Variants in TRPS1 observed in about 807,000 individuals in gnomAD.
TRPS1 encodes transcriptional repressor GATA binding 1, also known as zinc finger transcription factor Trps1.
Under a neutral mutation model 101.2 loss-of-function variants are expected in TRPS1, and 6 were observed. That is an observed-to-expected ratio of 0.06 (90% CI 0.03 to 0.12). The LOEUF (loss-of-function observed/expected upper bound fraction) is 0.12. TRPS1 is among the 10% of genes least tolerant of loss of function. TRPS1 has a pLI of 1.00. For synonymous variants in TRPS1, 578 were observed against 589.8 expected (o/e 0.98, Z 0.29); for missense variants, 1,363 against 1,567.0 (o/e 0.87, Z 2.20).
chr8:115,445,612 G>A (rs116398067), intron 5 of TRPS1, among the ~76,000 whole-genome samples: 2,662 of 152,160 alleles, frequency 0.017, 82 homozygotes, highest in African/African-American at 0.061. Context: ...ACTCTTAATT[G>A]CCTAAAAAAA....
intron 5 of TRPS1, among the ~76,000 whole-genome samples, chr8:115,529,471 C>T (rs1314828440): frequency 6.6e-6 from 1 of 151,992 alleles, no homozygotes; most frequent in Non-Finnish European, 1.5e-5. Flanking sequence ...CCGGAAATCA[C>T]TGAAAAAGAT....
rs1449504225 is a variant in TRPS1, at chr8:115,631,757, C to T, written c.-121-7999G>A. ...TGAATCTCTTGATATTAAATAGGCTCAGGAAACTAACAGCTAGAAAAATGC... is the reference window on the plus strand; with the variant it reads ...TGAATCTCTTGATATTAAATAGGCTTAGGAAACTAACAGCTAGAAAAATGC... On this transcript the variant is annotated intron_variant, in intron 1 of 6. Coordinates refer to ENST00000395715, the MANE Select transcript of TRPS1 (RefSeq NM_014112.5). Among the ~76,000 whole-genome samples, 5 of 152,122 alleles carry T rather than the reference C, an allele frequency of 3.3e-5. No homozygotes were observed. In the East Asian group the frequency reaches 5.8e-4, roughly 18 times the overall value.
intron 1 of TRPS1, among the ~76,000 whole-genome samples, chr8:115,631,666 G>C (rs1014520242): frequency 6.7e-6 from 1 of 149,672 alleles, no homozygotes; most frequent in African/African-American, 2.5e-5. Context: ...TGGATGGATG[G>C]ATGGATGGAT....
chr8:115,524,952 T>C (rs983816725), intron 5 of TRPS1, among the ~76,000 whole-genome samples: 1 of 152,202 alleles, frequency 6.6e-6, no homozygotes, highest in Non-Finnish European at 1.5e-5. Flanking sequence ...GATTTTAGTA[T>C]GGCTGCTAAT....
chr8:115,506,101 G>A (rs1167983859), intron 5 of TRPS1, among the ~76,000 whole-genome samples: 4 of 151,866 alleles, frequency 2.6e-5, no homozygotes, highest in Admixed American at 1.3e-4. Flanking sequence ...TCTTGTTAAT[G>A]AACTACAAAG....
rs1320079202 is a variant in TRPS1, at chr8:115,604,695, C to T, written c.1274G>A (p.Gly425Glu). 6.2e-7 allele frequency: 1 copy of T among 1,613,754 alleles called. No homozygotes were observed. Among genetic ancestry groups the T allele is most frequent in the Non-Finnish European group, 8.5e-7 (1 of 1,179,934 alleles). The stretch of plus-strand genomic sequence containing the variant: ...GAGGGGCTTTATGGGCACTGAGTAC[C>T]CAACAGGAGTGTCATCTCCTGCTTT... The part of the protein sequence containing the change: ...TVKAGDDTPV[G>E]YSVPIKPLDS... The change falls in exon 4 of 7, where the codon GGG becomes GAG. Residue 425 changes from glycine to glutamate, a missense_variant. This residue lies in a region of TRPS1 where 1,020 missense variants were observed against 1,073.0 expected (regional missense o/e 0.95). Coordinates refer to ENST00000395715, the MANE Select transcript of TRPS1 (RefSeq NM_014112.5). The surrounding 1 kb of genome is among the most constrained non-coding windows in gnomAD (Gnocchi z 4.1).
At chr8:115,463,413 C>G (rs1345183426) in intron 5 of TRPS1, among the ~76,000 whole-genome samples, 2 of 152,272 alleles carry the variant, frequency 1.3e-5, no homozygotes, top group South Asian at 4.1e-4. Context: ...AATGCAATGT[C>G]TTTTGCCACT....
At position 115,476,005 on chromosome 8, in the gene TRPS1, CTTTTTTTTTTT is replaced by C. The variant is rs1169514340; in HGVS notation, c.2701-57564_2701-57554del. 3.3e-3 allele frequency among the ~76,000 whole-genome samples: 133 copies of C among 40,660 alleles called. 12 individuals are homozygous for C. Among genetic ancestry groups the C allele is most frequent in the East Asian group, 0.019 (15 of 800 alleles). 26.7% of individuals were successfully genotyped at this position (40,660 alleles called of 152,430 possible). A position where few individuals can be genotyped will look rare whatever the true frequency, so the allele number is the denominator to read the frequency against. ...AAGAGGTGTTCAGAAAATATACTTT[CTTTTTTTTTTT>C]TTTTTTTTTTTTTTTTTTTTGAGAC... is the stretch of plus-strand genomic sequence containing the variant. On this transcript the variant is annotated intron_variant, in intron 5 of 6. Coordinates refer to ENST00000395715, the MANE Select transcript of TRPS1 (RefSeq NM_014112.5).
chr8:115,422,459 C>G (rs536850443), intron 5 of TRPS1, among the ~76,000 whole-genome samples: 17 of 152,176 alleles, frequency 1.1e-4, no homozygotes, highest in Admixed American at 4.6e-4. Context: ...CTCCGCCTCC[C>G]GGGTTCAAGT....
rs181602867 is a variant in TRPS1 at position 115,566,012 on chromosome 8, A to G, written c.2700+20989T>C. On this transcript the variant is annotated intron_variant, in intron 5 of 6. Transcript: ENST00000395715. ...CTTGTACCATATTTTCATGTAAGTT[A>G]TCCTCATACCATGGCATAGATTTTA... is the stretch of plus-strand genomic sequence containing the variant. Among the ~76,000 whole-genome samples, 260 of 152,286 alleles carry G rather than the reference A, an allele frequency of 1.7e-3. 2 individuals carry two copies. The highest frequency in any genetic ancestry group is 6.1e-3 in the African/African-American group (252 of 41,582).
chr8:115,419,458 T>C (rs1023230697), intron 5 of TRPS1, among the ~76,000 whole-genome samples: 4 of 151,996 alleles, frequency 2.6e-5, no homozygotes, highest in Non-Finnish European at 5.9e-5. Context: ...TGATAAAATA[T>C]GCGTGTTAGA....
chr8:115,586,043 C>T (rs1250550355), intron 5 of TRPS1, among the ~76,000 whole-genome samples: 1 of 152,194 alleles, frequency 6.6e-6, no homozygotes, highest in African/African-American at 2.4e-5. Context: ...TGGTCTATGA[C>T]CCGCAGGTCA....
At chr8:115,506,216 T>G (rs180987171) in intron 5 of TRPS1, among the ~76,000 whole-genome samples, 3 of 151,744 alleles carry the variant, frequency 2.0e-5, no homozygotes, top group African/African-American at 7.2e-5. Context: ...ACCTACAAAT[T>G]TGTAGGGGAA....
chr8:115,618,624 G>A (rs527405195), intron 3 of TRPS1, among the ~76,000 whole-genome samples: 1 of 151,994 alleles, frequency 6.6e-6, no homozygotes, highest in East Asian at 1.9e-4. Context: ...GTTTTCATTT[G>A]CAATTATTTT....
chr8:115,573,882 T>A (rs775723402), intron 5 of TRPS1, among the ~76,000 whole-genome samples: 1 of 152,214 alleles, frequency 6.6e-6, no homozygotes, highest in East Asian at 1.9e-4. Context: ...TGCTGTCATA[T>A]TCACCTGCTA....
intron 5 of TRPS1, among the ~76,000 whole-genome samples, chr8:115,441,181 C>G (rs553992795): frequency 6.6e-6 from 1 of 152,122 alleles, no homozygotes; most frequent in African/African-American, 2.4e-5. Flanking sequence ...GTAAATACAC[C>G]GAAAGGTTCA....
chr8:115,639,404 A>G (rs1419805920), intron 1 of TRPS1, among the ~76,000 whole-genome samples: 1 of 152,176 alleles, frequency 6.6e-6, no homozygotes. Flanking sequence ...GCAGGCAGCC[A>G]AACAATTTTG....
intron 5 of TRPS1, among the ~76,000 whole-genome samples, chr8:115,422,033 G>A (rs1353004235): frequency 6.6e-6 from 1 of 152,172 alleles, no homozygotes; most frequent in Non-Finnish European, 1.5e-5. Flanking sequence ...CTGCATGGCA[G>A]TTTTAAAATA....
chr8:115,509,408 G>A (rs1274905141), intron 5 of TRPS1, among the ~76,000 whole-genome samples: 1 of 152,074 alleles, frequency 6.6e-6, no homozygotes, highest in Non-Finnish European at 1.5e-5. Context: ...ACTGCCAAGT[G>A]TGGGGAAGGG....
Sources: allele counts gnomAD v4.1 joint callset (sites outside exome capture counted in the v4.1 genomes callset), GRCh38; gene constraint gnomAD v4.1.1; regional missense constraint gnomAD v4.1.1; non-coding constraint Gnocchi (gnomAD v3.1); transcripts MANE v1.5; gene names NCBI Gene and HGNC (gene_info 2026-07-23, HGNC 2026-07-21).